Variants in AKR1B10 observed in about 807,000 individuals in gnomAD.
AKR1B10 encodes ARP.
A neutral mutation model predicts 38.9 loss-of-function variants in AKR1B10; 39 were observed. The ratio of observed to expected loss-of-function variants is 1.00; its 90% CI spans 0.78 to 1.31. The LOEUF (loss-of-function observed/expected upper bound fraction) is 1.31. AKR1B10 is among the 50% of genes most tolerant of loss of function. The probability of loss-of-function intolerance (pLI) is 0.00; values close to 1 mark genes in which losing one functional copy is unlikely to be tolerated. For missense variants in AKR1B10, 361 were observed against 382.6 expected, an observed-to-expected ratio of 0.94 and a Z score of 0.47; for synonymous variants, 148 against 141.2, an observed-to-expected ratio of 1.05 and a Z score of -0.34.
intron 1 of AKR1B10, 48 bp from the exon 2 acceptor site, chr7:134,530,595 T>C: frequency 6.2e-7 from 1 of 1,606,088 alleles, no homozygotes; most frequent in Non-Finnish European, 8.5e-7. Context: ...CAGGGCCCCA[T>C]CTCTTAAAAA....
At chr7:134,540,577 T>C (rs1003784882) in intron 9 of AKR1B10, among the ~76,000 whole-genome samples, 13 of 152,198 alleles carry the variant, frequency 8.5e-5, no homozygotes, top group African/African-American at 3.1e-4. Flanking sequence ...TCCAAGTTGG[T>C]TTCTTCACTT....
intron 1 of AKR1B10, among the ~76,000 whole-genome samples, chr7:134,529,077 T>C (rs975106092): frequency 6.6e-6 from 1 of 152,156 alleles, no homozygotes; most frequent in Admixed American, 6.5e-5. Flanking sequence ...CTACCCTAAC[T>C]AGTGATGAGA....
In AKR1B10 at chr7:134,532,022, AAGGTTT is replaced by A; in HGVS notation, c.351_351+5del. On this transcript the variant is annotated splice_donor_variant and splice_donor_region_variant and coding_sequence_variant and intron_variant, in exon 3 of 10. Transcript: ENST00000359579. LOFTEE classifies it high-confidence loss of function. ...TCTTATTCACTGGCCACAGGGATTC[AAGGTTT>A]AAGACACTCTCTTTCTCAGCCTCTA... The A allele has an allele frequency of 6.2e-7, 1 of 1,614,052 alleles. No individual in the cohort carries two copies. Among genetic ancestry groups the A allele is most frequent in the Non-Finnish European group, 8.5e-7 (1 of 1,179,932 alleles).
chr7:134,534,234 G>T (rs1807938194), intron 4 of AKR1B10, among the ~76,000 whole-genome samples: 1 of 152,112 alleles, frequency 6.6e-6, no homozygotes, highest in Admixed American at 6.5e-5. Context: ...CCATTCTCCT[G>T]CCTCAGCCTC....
At chr7:134,532,981 A>C in intron 3 of AKR1B10, 23 bp from the exon 4 acceptor site, 1 of 1,591,728 alleles carries the variant, frequency 6.3e-7, no homozygotes, top group Admixed American at 1.8e-5. Flanking sequence ...GATTCCAGTA[A>C]ACTTTTCATT....
chr7:134,538,207 T>A lies in AKR1B10; in HGVS notation c.755T>A (p.Phe252Tyr). 6.2e-7 allele frequency: 1 copy of A among 1,614,094 alleles called. No homozygotes were observed. The highest frequency in any genetic ancestry group is 1.3e-5 in the African/African-American group (1 of 75,034). ...KKTAAQVLIR[F>Y]HIQRNVIVIP... is the part of the protein sequence containing the mutation. ...CTTTCCGCATAGGTTCTGATCCGTTTCCATATCCAGAGGAATGTGATTGTC... is the reference window on the plus strand; with the variant it reads ...CTTTCCGCATAGGTTCTGATCCGTTACCATATCCAGAGGAATGTGATTGTC... Residue 252 changes from phenylalanine (F) to tyrosine (Y), a missense_variant, in exon 8 of 10, where the codon TTC becomes TAC. By Grantham distance (22) the Phe-to-Tyr change is conservative (BLOSUM62 3). Coordinates refer to ENST00000359579, the MANE Select transcript of AKR1B10 (RefSeq NM_020299.5).
chr7:134,538,977 C>A lies in AKR1B10; in HGVS notation c.868C>A (p.Leu290Ile), dbSNP rs751062036. The stretch of plus-strand genomic sequence containing the variant: ...GAGTGATGAGGAGATGGCAACCATA[C>A]TCAGCTTCAACAGAAACTGGAGGGC... ...KLSDEEMATILSFNRNWRACN... is the reference protein window; with the variant it reads ...KLSDEEMATIISFNRNWRACN... The change falls in exon 9 of 10, where the codon CTC becomes ATC. Residue 290 changes from leucine to isoleucine, a missense_variant. Leu to Ile is a conservative substitution (Grantham distance 5). Transcript: ENST00000359579. 5 of 1,613,960 alleles carry A rather than the reference C, an allele frequency of 3.1e-6. No individual in the cohort carries two copies. Among genetic ancestry groups the A allele is most frequent in the Non-Finnish European group, 4.2e-6 (5 of 1,179,984 alleles).
At chr7:134,531,251 A>G (rs1311009740) in intron 2 of AKR1B10, among the ~76,000 whole-genome samples, 2 of 152,174 alleles carry the variant, frequency 1.3e-5, no homozygotes, top group East Asian at 3.9e-4. Context: ...GTCACATATG[A>G]ATTTCTTTAT....
At chr7:134,540,705 C>G (rs567858465) in intron 9 of AKR1B10, among the ~76,000 whole-genome samples, 7 of 152,240 alleles carry the variant, frequency 4.6e-5, no homozygotes, top group Admixed American at 4.6e-4. Flanking sequence ...CAGAACAATC[C>G]CCAAGCTGTC....
intron 7 of AKR1B10, 152 bp downstream of exon 7, chr7:134,537,813 C>T (rs1207248940): frequency 2.2e-6 from 2 of 896,482 alleles, no homozygotes; most frequent in African/African-American, 3.4e-5. Context: ...GTTGGAACCT[C>T]TAGGAAACAC....
intron 1 of AKR1B10, among the ~76,000 whole-genome samples, chr7:134,529,000 G>T (rs1359420668): frequency 1.3e-5 from 2 of 152,124 alleles, no homozygotes; most frequent in Non-Finnish European, 2.9e-5. Flanking sequence ...CCTCTGTTAG[G>T]CTAAGTTTCA....
At chr7:134,538,870 C>T (rs536251118) in intron 8 of AKR1B10, 65 bp from the exon 9 acceptor site, 18 of 1,580,008 alleles carry the variant, frequency 1.1e-5, no homozygotes, top group African/African-American at 6.7e-5. Context: ...CTAGAATGGC[C>T]GGCAGTCTCC....
At chr7:134,533,160 GC>G in intron 4 of AKR1B10, 79 bp downstream of exon 4, 1 of 1,135,310 alleles carries the variant, frequency 8.8e-7, no homozygotes, top group Non-Finnish European at 1.3e-6. Flanking sequence ...TATGAATGAG[GC>G]CATGTGCCTG....
intron 6 of AKR1B10, 121 bp from the exon 7 acceptor site, chr7:134,537,459 T>C (rs1808043364): frequency 8.0e-7 from 1 of 1,248,588 alleles, no homozygotes; most frequent in Non-Finnish European, 1.1e-6. Flanking sequence ...TTCCAGGTCC[T>C]CCTGCCTGTC....
At position 134,538,292 on chromosome 7, in the gene AKR1B10, G is replaced by T; in HGVS notation, c.825+15G>T. The T allele has an allele frequency of 1.2e-6, 2 of 1,609,864 alleles. No homozygotes were observed. Among genetic ancestry groups the T allele is most frequent in the Non-Finnish European group, 8.5e-7 (1 of 1,176,340 alleles). On this transcript the variant is annotated intron_variant, in intron 8 of 9. Transcript: ENST00000359579. ...AGAACATTCAGGTAAGTTTCCGGCT[G>T]GTCGGCCCTGGTATTCCTCAGTGGA...
At chr7:134,534,284 G>T (rs1807939473) in intron 4 of AKR1B10, among the ~76,000 whole-genome samples, 1 of 152,080 alleles carries the variant, frequency 6.6e-6, no homozygotes, top group South Asian at 2.1e-4. Context: ...ACCACGCCTG[G>T]CTAATTTTTG....
At chr7:134,535,586 T>TC (rs1807976902) in intron 4 of AKR1B10, 2 of 165,124 alleles carry the variant, frequency 1.2e-5, no homozygotes, top group African/African-American at 1.7e-4. Context: ...CTTTTCTGTC[T>TC]TTTTTTTTTT....
intron 3 of AKR1B10, 75 bp from the exon 4 acceptor site, chr7:134,532,929 G>C (rs1807899722): frequency 7.7e-7 from 1 of 1,293,468 alleles, no homozygotes; most frequent in African/African-American, 1.5e-5. Flanking sequence ...CAAGAGTCAG[G>C]ATCCTGAAAC....
intron 6 of AKR1B10, 56 bp from the exon 7 acceptor site, chr7:134,537,524 C>G: frequency 6.4e-7 from 1 of 1,571,688 alleles, no homozygotes; most frequent in Non-Finnish European, 8.7e-7. Context: ...GGAGTGGTGT[C>G]CTTCTGTACA....
Sources: gnomAD v4.1 joint callset for allele counts (sites outside exome capture counted in the v4.1 genomes callset) on GRCh38, gnomAD v4.1.1 for gene constraint, MANE v1.5 for transcripts, NCBI Gene and HGNC (gene_info 2026-07-23, HGNC 2026-07-21) for gene names.